The following ERBB2 variants were observed in gnomAD, a reference collection of about 807,000 sequenced individuals.
ERBB2 encodes receptor tyrosine-protein kinase erbB-2.
A neutral mutation model predicts 149.0 loss-of-function variants in ERBB2; 61 were observed. The observed-to-expected ratio is 0.41, with a 90% CI of 0.33 to 0.51. ERBB2 has a LOEUF of 0.51. Ranked by LOEUF, ERBB2 falls within the 20% of genes least tolerant of loss-of-function variation. The pLI, the probability that ERBB2 is intolerant of heterozygous loss-of-function variation, is 0.25. For synonymous variants in ERBB2, 633 were observed against 678.8 expected (o/e 0.93, Z 1.05); for missense variants, 1,205 against 1,655.1 (o/e 0.73, Z 4.72).
rs2057996471 is a variant in ERBB2, at chr17:39,700,154, C to A, written c.-85C>A. On this transcript the variant is annotated 5_prime_UTR_variant, in exon 1 of 27. Coordinates refer to ENST00000269571, the MANE Select transcript of ERBB2 (RefSeq NM_004448.4). ...GCCCTTTACTGCGCCGCGCGCCCGG[C>A]CCCCACCCCTCGCAGCACCCCGCGC... 7.5e-7 allele frequency: 1 copy of A among 1,328,600 alleles called. No homozygotes were observed. Among genetic ancestry groups the A allele is most frequent in the Admixed American group, 4.1e-5 (1 of 24,528 alleles). The allele number at this position is 1,328,600 out of a possible 1,614,324, so 82.3% of individuals were successfully genotyped here.
chr17:39,695,658 A>AGCTG (rs1037299621), upstream of ERBB2, among the ~76,000 whole-genome samples: 2 of 147,144 alleles, frequency 1.4e-5, no homozygotes, highest in African/African-American at 5.0e-5. Context: ...TCTGACCCCA[A>AGCTG]GCTGGCTGGT....
chr17:39,714,962 G>A (rs978366173), intron 9 of ERBB2, among the ~76,000 whole-genome samples: 3 of 151,914 alleles, frequency 2.0e-5, no homozygotes, highest in Admixed American at 2.0e-4. Context: ...TAGAGATGGG[G>A]TTTCACCATG....
At chr17:39,724,697 A>G (rs2059650207) in intron 19 of ERBB2, 29 bp from the exon 20 acceptor site, 2 of 1,608,676 alleles carry the variant, frequency 1.2e-6, no homozygotes, top group East Asian at 2.2e-5. Context: ...GTGGTCTCCC[A>G]TACCCTCTCA....
intron 1 of ERBB2, among the ~76,000 whole-genome samples, chr17:39,706,309 C>T (rs1319435269): frequency 3.3e-5 from 5 of 152,304 alleles, no homozygotes; most frequent in South Asian, 4.1e-4. Context: ...GAACCTTTGG[C>T]GCATGCTTCA....
chr17:39,710,302 A>C (rs2145514046), intron 6 of ERBB2, 38 bp from the exon 7 acceptor site: 2 of 1,613,796 alleles, frequency 1.2e-6, no homozygotes, highest in Non-Finnish European at 1.7e-6. Flanking sequence ...ACACCAGGGC[A>C]AAACAGCACA....
upstream of ERBB2, chr17:39,694,907 G>T (rs1334622063): frequency 6.6e-6 from 1 of 152,310 alleles, no homozygotes; most frequent in Non-Finnish European, 1.5e-5. Context: ...ACAAGTATGG[G>T]GGTTGAAGGG....
upstream of ERBB2, among the ~76,000 whole-genome samples, chr17:39,690,373 A>G: frequency 6.6e-6 from 1 of 152,254 alleles, no homozygotes; most frequent in South Asian, 2.1e-4. Flanking sequence ...GGCGTGAGCC[A>G]TGCCACACGG....
upstream of ERBB2, among the ~76,000 whole-genome samples, chr17:39,698,196 A>G (rs903097828): frequency 6.6e-6 from 1 of 152,102 alleles, no homozygotes; most frequent in African/African-American, 2.4e-5. Context: ...AGATGAGCCA[A>G]CTGAGACCAG....
rs527427372 is a variant in ERBB2, at chr17:39,723,015, G to A, written c.1947-304G>A. 1.3e-5 allele frequency among the ~76,000 whole-genome samples: 2 copies of A among 152,198 alleles called. No individual in the cohort carries two copies. Among genetic ancestry groups the A allele is most frequent in the South Asian group, 2.1e-4 (1 of 4,828 alleles). ...TAGGATTCCAGGCATGAGCCACCGC[G>A]CCCAGAGTCCTTAGTGATTTTTACA... On this transcript the variant is annotated intron_variant, in intron 16 of 26. Transcript: ENST00000269571. The surrounding 1 kb of genome is among the most constrained non-coding windows in gnomAD (Gnocchi z 6.2).
intron 1 of ERBB2, among the ~76,000 whole-genome samples, chr17:39,704,091 C>T (rs753615508): frequency 1.3e-5 from 2 of 152,156 alleles, no homozygotes; most frequent in South Asian, 2.1e-4. Context: ...CCCTTTTGTT[C>T]GGAGACTCGT....
intron 2 of ERBB2, chr17:39,707,511 C>T (rs1337915693): frequency 1.0e-5 from 2 of 192,126 alleles, no homozygotes; most frequent in Non-Finnish European, 2.1e-5. Context: ...CTGCCACTGA[C>T]GAGCCCTATG....
intron 16 of ERBB2, among the ~76,000 whole-genome samples, chr17:39,722,432 G>A (rs1357323740): frequency 6.6e-6 from 1 of 152,042 alleles, no homozygotes; most frequent in Non-Finnish European, 1.5e-5. Flanking sequence ...GAGCCCAGAG[G>A]TCAGGGCTGC....
chr17:39,727,935 T>C lies in ERBB2; in HGVS notation c.3659T>C (p.Leu1220Pro), dbSNP rs2143312632. ...PPAFSPAFDN[L>P]YYWDQDPPER... ...GCCTTCAGCCCAGCCTTCGACAACC[T>C]CTATTACTGGGACCAGGACCCACCA... The change falls in exon 27 of 27, where the codon CTC becomes CCC. Residue 1220 changes from leucine to proline, a missense_variant. Leu to Pro is a moderately conservative substitution (Grantham distance 98). Around this residue, in one of 6 missense-constraint regions of ERBB2, gnomAD observed 312 missense variants for 343.8 expected, o/e 0.91. Transcript: ENST00000269571. The surrounding 1 kb of genome is among the most constrained non-coding windows in gnomAD (Gnocchi z 4.3). 1 of 1,613,960 alleles carries C rather than the reference T, an allele frequency of 6.2e-7. No homozygotes were observed. The highest frequency in any genetic ancestry group is 8.5e-7 in the Non-Finnish European group (1 of 1,179,974).
Position 39,728,196 on chromosome 17 carries a change from G to C in ERBB2, c.*152G>C. On this transcript the variant is annotated 3_prime_UTR_variant, in exon 27 of 27. Transcript: ENST00000269571. ...CCTGTCCTAAGGAACCTTCCTTCCT[G>C]CTTGAGTTCCCAGATGGCTGGAAGG... 1.7e-6 allele frequency: 1 copy of C among 583,312 alleles called. No homozygotes were observed. The highest frequency in any genetic ancestry group is 3.0e-6 in the Non-Finnish European group (1 of 334,374). The allele number at this position is 583,312 out of a possible 1,614,324, so 36.1% of individuals were successfully genotyped here. A position where few individuals can be genotyped will look rare whatever the true frequency, so the allele number is the denominator to read the frequency against.
At chr17:39,697,130 A>G (rs1488538168), upstream of ERBB2, among the ~76,000 whole-genome samples, 1 of 152,088 alleles carries the variant, frequency 6.6e-6, no homozygotes, top group Non-Finnish European at 1.5e-5. Flanking sequence ...TGCTTACCTC[A>G]GTTCCCCTGA....
chr17:39,726,337 A>G lies in ERBB2; in HGVS notation c.2873-225A>G, dbSNP rs1249043579. The G allele has an allele frequency of 3.6e-6, 2 of 558,880 alleles. No homozygotes were observed. Among genetic ancestry groups the G allele is most frequent in the East Asian group, 5.9e-5 (2 of 34,130 alleles). The allele number at this position is 558,880 out of a possible 1,614,324, so 34.6% of individuals were successfully genotyped here. The stretch of plus-strand genomic sequence containing the variant: ...GACAGAGCGAAACCTCATCTCAAAA[A>G]AATAAAAAAGCAAACAAAAAGAAAA... On this transcript the variant is annotated intron_variant, in intron 23 of 26. Transcript: ENST00000269571. The surrounding 1 kb of genome is among the most constrained non-coding windows in gnomAD (Gnocchi z 5.1).
intron 16 of ERBB2, among the ~76,000 whole-genome samples, chr17:39,720,699 G>A (rs889468818): frequency 6.6e-6 from 1 of 152,118 alleles, no homozygotes; most frequent in Non-Finnish European, 1.5e-5. Flanking sequence ...CTGCAGGCTG[G>A]AGTGCAGTGG....
Position 39,700,286 on chromosome 17 carries a change from G to A in ERBB2, c.48G>A (p.Leu16=). Residue 16 remains leucine, a synonymous_variant, in exon 1 of 27, where the codon TTG becomes TTA. Coordinates refer to ENST00000269571, the MANE Select transcript of ERBB2 (RefSeq NM_004448.4). ...LCRWGLLLAL[L]PPGAASTQVC... is the part of the protein sequence containing the mutation. The stretch of plus-strand genomic sequence containing the variant: ...GCTGGGGGCTCCTCCTCGCCCTCTT[G>A]CCCCCCGGAGCCGCGAGCACCCAAG... The A allele has an allele frequency of 1.4e-6, 2 of 1,429,164 alleles. No homozygotes were observed. Among genetic ancestry groups the A allele is most frequent in the Non-Finnish European group, 1.8e-6 (2 of 1,093,198 alleles). 88.5% of individuals were successfully genotyped at this position (1,429,164 alleles called of 1,614,324 possible). A position where few individuals can be genotyped will look rare whatever the true frequency, so the allele number is the denominator to read the frequency against.
At chr17:39,715,412 TC>T in intron 10 of ERBB2, 33 bp from the exon 11 acceptor site, 1 of 1,613,470 alleles carries the variant, frequency 6.2e-7, no homozygotes, top group Non-Finnish European at 8.5e-7. Flanking sequence ...CCTTGTCCTG[TC>T]CCCACTCCTT....
Sources: gnomAD v4.1 joint callset for allele counts (sites outside exome capture counted in the v4.1 genomes callset) on GRCh38, gnomAD v4.1.1 for gene constraint, gnomAD v4.1.1 regional missense constraint, Gnocchi (gnomAD v3.1) non-coding constraint, MANE v1.5 for transcripts, NCBI Gene and HGNC (gene_info 2026-07-23, HGNC 2026-07-21) for gene names.